The following CFAP61 variants were observed in gnomAD, a reference collection of about 807,000 sequenced individuals.
CFAP61 encodes the protein cilia and flagella associated protein 61, also known as cilia- and flagella-associated protein 61.
A neutral mutation model predicts 135.6 loss-of-function variants in CFAP61; 107 were observed. The observed-to-expected ratio is 0.79, with a 90% confidence interval of 0.67 to 0.93. The LOEUF (loss-of-function observed/expected upper bound fraction) is 0.93. Among genes scored for constraint, CFAP61 ranks in the 40% least tolerant of loss-of-function variants. The pLI is 0.00. For synonymous variants in CFAP61, 575 were observed against 578.5 expected (o/e 0.99, Z 0.09); for missense variants, 1,507 against 1,556.2 (o/e 0.97, Z 0.53).
chr20:20,121,074 A>G (rs1041939366), intron 8 of CFAP61, among the ~76,000 whole-genome samples: 4 of 126,128 alleles, frequency 3.2e-5, no homozygotes, highest in African/African-American at 8.9e-5. Flanking sequence ...TTCTTTATCT[A>G]TTCATTTGCT....
At chr20:20,167,452 G>A (rs914982870) in intron 12 of CFAP61, among the ~76,000 whole-genome samples, 3 of 151,906 alleles carry the variant, frequency 2.0e-5, no homozygotes, top group Admixed American at 6.6e-5. Flanking sequence ...CTACTTTAAC[G>A]TCCATGTAAA....
chr20:20,176,326 C>T (rs973582904), intron 13 of CFAP61, among the ~76,000 whole-genome samples: 7 of 152,110 alleles, frequency 4.6e-5, no homozygotes, highest in African/African-American at 1.4e-4. Flanking sequence ...CCAGAGATAC[C>T]ATTTGACCCA....
intron 7 of CFAP61, among the ~76,000 whole-genome samples, chr20:20,095,417 C>G (rs909894628): frequency 1.3e-5 from 2 of 152,250 alleles, no homozygotes; most frequent in Non-Finnish European, 1.5e-5. Flanking sequence ...CATGGCAGTT[C>G]CAGGCCAGGC....
intron 26 of CFAP61, 28 bp from the exon 27 acceptor site, chr20:20,360,182 G>C: frequency 1.9e-6 from 3 of 1,561,702 alleles, no homozygotes; most frequent in Non-Finnish European, 2.6e-6. Context: ...ATTAATTTCT[G>C]TATCTGGCCT....
Position 20,263,062 on chromosome 20 carries a change from C to T in CFAP61, c.2435C>T (p.Thr812Ile). ...YTGKVPCNHF[T>I]LNEEEDCFKA... ...GGGAAAGTTCCTTGCAACCATTTCA[C>T]TCTCAACGAGGAAGAGGATTGCTTT... Residue 812 changes from threonine (T) to isoleucine (I), a missense_variant, in exon 21 of 27, where the codon ACT (threonine) becomes ATT (isoleucine). Coordinates refer to ENST00000245957, the MANE Select transcript of CFAP61 (RefSeq NM_015585.4). 6.2e-7 allele frequency: 1 copy of T among 1,614,032 alleles called. No individual in the cohort carries two copies. The highest frequency in any genetic ancestry group is 8.5e-7 in the Non-Finnish European group (1 of 1,179,910).
intron 9 of CFAP61, among the ~76,000 whole-genome samples, chr20:20,158,671 A>G (rs143582946): frequency 6.6e-6 from 1 of 152,382 alleles, no homozygotes; most frequent in African/African-American, 2.4e-5. Flanking sequence ...TGATTTCAGT[A>G]ATATAAAATT....
At chr20:20,165,087 C>T (rs1000956172) in intron 11 of CFAP61, among the ~76,000 whole-genome samples, 1 of 152,220 alleles carries the variant, frequency 6.6e-6, no homozygotes, top group Non-Finnish European at 1.5e-5. Context: ...GGTGGGGACA[C>T]AGCCAAACCA....
intron 20 of CFAP61, among the ~76,000 whole-genome samples, chr20:20,259,229 A>T (rs1446683331): frequency 6.7e-6 from 1 of 149,404 alleles, no homozygotes; most frequent in Non-Finnish European, 1.5e-5. Context: ...GTCAACAGGA[A>T]CCCAGGCCCT....
intron 8 of CFAP61, among the ~76,000 whole-genome samples, chr20:20,123,191 T>C (rs2049805544): frequency 6.6e-6 from 1 of 151,780 alleles, no homozygotes; most frequent in Admixed American, 6.6e-5. Context: ...GATGTACAGA[T>C]TGTAAAGACT....
intron 6 of CFAP61, among the ~76,000 whole-genome samples, chr20:20,086,583 C>T (rs1027863531): frequency 6.6e-6 from 1 of 151,914 alleles, no homozygotes; most frequent in African/African-American, 2.4e-5. Flanking sequence ...CAGCATGGGA[C>T]CATAGGTTCA....
intron 1 of CFAP61, among the ~76,000 whole-genome samples, chr20:20,053,221 A>G (rs1471630422): frequency 2.6e-5 from 4 of 151,704 alleles, no homozygotes; most frequent in African/African-American, 7.3e-5. Flanking sequence ...CTGAAAAGCA[A>G]AGGTTAAGAG....
At chr20:20,282,036 T>G (rs1172017734) in intron 22 of CFAP61, among the ~76,000 whole-genome samples, 1 of 152,238 alleles carries the variant, frequency 6.6e-6, no homozygotes, top group Non-Finnish European at 1.5e-5. Context: ...TTGTCAAATT[T>G]GTTGGCATTA....
intron 8 of CFAP61, among the ~76,000 whole-genome samples, chr20:20,134,969 C>G (rs548494052): frequency 2.7e-5 from 4 of 147,672 alleles, no homozygotes; most frequent in Non-Finnish European, 6.0e-5. Flanking sequence ...TAAATGTCAC[C>G]TTTTTTTTTT....
intron 26 of CFAP61, among the ~76,000 whole-genome samples, chr20:20,351,947 G>GAA (rs1226086521): frequency 7.0e-6 from 1 of 142,832 alleles, no homozygotes; most frequent in African/African-American, 2.6e-5. Context: ...ACAATCTTGA[G>GAA]AAAAAAAAAA....
chr20:20,245,593 C>T (rs111472547), intron 18 of CFAP61, among the ~76,000 whole-genome samples: 67 of 152,278 alleles, frequency 4.4e-4, no homozygotes, highest in African/African-American at 1.6e-3. Context: ...AGTGGGGACA[C>T]AGAGCCAAAC....
At chr20:20,085,599 G>C (rs1412373437) in intron 6 of CFAP61, 1 of 1,074,730 alleles carries the variant, frequency 9.3e-7, no homozygotes, top group East Asian at 4.9e-5. Flanking sequence ...TAGGGCTCTG[G>C]GTCTTTCGGA....
chr20:20,140,636 C>G (rs1342279914), intron 8 of CFAP61, among the ~76,000 whole-genome samples: 1 of 152,044 alleles, frequency 6.6e-6, no homozygotes, highest in Non-Finnish European at 1.5e-5. Flanking sequence ...CTAGTTCAAC[C>G]ATTGTGGAAG....
chr20:20,122,534 C>T (rs1269450337), intron 8 of CFAP61, among the ~76,000 whole-genome samples: 1 of 152,190 alleles, frequency 6.6e-6, no homozygotes, highest in Non-Finnish European at 1.5e-5. Context: ...GGTTTCCATT[C>T]CTGAGTTACT....
At chr20:20,180,343 A>AAC (rs1050210282) in intron 13 of CFAP61, among the ~76,000 whole-genome samples, 1 of 152,086 alleles carries the variant, frequency 6.6e-6, no homozygotes, top group Non-Finnish European at 1.5e-5. Context: ...AGAAAAAAAA[A>AAC]AAACTGGGCA....
Sources: gnomAD v4.1 joint callset for allele counts (sites outside exome capture counted in the v4.1 genomes callset) on GRCh38, gnomAD v4.1.1 for gene constraint, MANE v1.5 for transcripts, NCBI Gene and HGNC (gene_info 2026-07-23, HGNC 2026-07-21) for gene names.